Variants in CHRM3 observed in about 807,000 individuals in gnomAD.
CHRM3 encodes cholinergic receptor muscarinic 3.
In CHRM3, 11 loss-of-function variants were observed where a neutral mutation model predicts 41.8. The ratio of observed to expected loss-of-function variants is 0.26; its 90% CI spans 0.17 to 0.44. The LOEUF (loss-of-function observed/expected upper bound fraction) is 0.44, where lower values mean the gene tolerates loss of function less well. Among genes scored for constraint, CHRM3 ranks in the 20% least tolerant of loss-of-function variants. The pLI is 1.00. For missense variants in CHRM3, 571 were observed against 745.4 expected (o/e 0.77, Z 2.72); for synonymous variants, 297 against 301.4 (o/e 0.99, Z 0.15).
At chr1:239,707,998 A>G (rs1661355090) in intron 5 of CHRM3, among the ~76,000 whole-genome samples, 1 of 152,236 alleles carries the variant, frequency 6.6e-6, no homozygotes, top group Non-Finnish European at 1.5e-5. Context: ...CTACTGTGGA[A>G]TATTTCTTGA....
chr1:239,712,040 A>G (rs1294291046), intron 5 of CHRM3, among the ~76,000 whole-genome samples: 2 of 152,154 alleles, frequency 1.3e-5, no homozygotes, highest in Non-Finnish European at 2.9e-5. Flanking sequence ...AAGCCCATTC[A>G]GAAATATTTC....
chr1:239,828,772 G>A (rs1337116793), intron 6 of CHRM3, among the ~76,000 whole-genome samples: 1 of 152,144 alleles, frequency 6.6e-6, no homozygotes, highest in Admixed American at 6.5e-5. Flanking sequence ...GGATATCAGA[G>A]GGACCCTGTG....
chr1:239,420,311 A>C (rs533835927), intron 1 of CHRM3, among the ~76,000 whole-genome samples: 1 of 152,302 alleles, frequency 6.6e-6, no homozygotes, highest in Non-Finnish European at 1.5e-5. Flanking sequence ...GCCGCATGGT[A>C]GTGAGCACAG....
chr1:239,541,595 T>G (rs1387012400), intron 2 of CHRM3, among the ~76,000 whole-genome samples: 2 of 152,100 alleles, frequency 1.3e-5, no homozygotes, highest in Non-Finnish European at 2.9e-5. Flanking sequence ...CACCACAACC[T>G]CCACCTCCCA....
chr1:239,673,180 G>A (rs1674548046), intron 4 of CHRM3, among the ~76,000 whole-genome samples: 1 of 152,158 alleles, frequency 6.6e-6, no homozygotes, highest in African/African-American at 2.4e-5. Context: ...GAAGGAGTGG[G>A]AGAATTCTGC....
intron 3 of CHRM3, among the ~76,000 whole-genome samples, chr1:239,600,711 T>G (rs1665413329): frequency 6.6e-6 from 1 of 151,110 alleles, no homozygotes. Flanking sequence ...CTCCCCTTCC[T>G]TCCTCCTTCC....
intron 4 of CHRM3, among the ~76,000 whole-genome samples, chr1:239,653,921 C>T (rs1672469284): frequency 1.3e-5 from 2 of 152,260 alleles, no homozygotes; most frequent in South Asian, 4.1e-4. Context: ...GGCAGCAAAG[C>T]TTGAAGCACA....
chr1:239,902,838 A>G (rs570574088), intron 6 of CHRM3, among the ~76,000 whole-genome samples: 8 of 152,262 alleles, frequency 5.3e-5, no homozygotes, highest in Non-Finnish European at 8.8e-5. Flanking sequence ...CCTATAAGTC[A>G]TTTCCCTCTA....
chr1:239,604,834 T>G (rs943126221), intron 3 of CHRM3, among the ~76,000 whole-genome samples: 20 of 152,244 alleles, frequency 1.3e-4, no homozygotes, highest in Admixed American at 9.2e-4. Flanking sequence ...ATTTTAGAAC[T>G]TCTATACTTT....
chr1:239,395,484 C>G (rs1215610038), intron 1 of CHRM3, among the ~76,000 whole-genome samples: 1 of 152,094 alleles, frequency 6.6e-6, no homozygotes, highest in Admixed American at 6.6e-5. Flanking sequence ...TACATTTAGC[C>G]AGGTACCGAA....
chr1:239,656,321 T>TG (rs1242129677), intron 4 of CHRM3, among the ~76,000 whole-genome samples: 2 of 115,618 alleles, frequency 1.7e-5, no homozygotes, highest in African/African-American at 5.6e-5. Context: ...TTTAATAAAA[T>TG]ATTTTTTTTT....
At chr1:239,404,468 A>AAG (rs397954107) in intron 1 of CHRM3, among the ~76,000 whole-genome samples, 34 of 90,354 alleles carry the variant, frequency 3.8e-4, no homozygotes, top group East Asian at 1.3e-3. Flanking sequence ...GAAAGAAAGA[A>AAG]AAAGAAAGAA....
rs947387438 is a variant in CHRM3, at chr1:239,404,740, A to G, written c.-521+17513A>G. ...TCTAAATATATATATATATATATAT[A>G]TATATATATATATATATGGAAAATA... On this transcript the variant is annotated intron_variant, in intron 1 of 6. Transcript: ENST00000676153. Among the ~76,000 whole-genome samples the G allele has an allele frequency of 2.3e-3, 333 of 142,624 alleles. 5 individuals are homozygous for G. Among genetic ancestry groups the G allele is most frequent in the African/African-American group, 8.2e-3 (323 of 39,212 alleles). The allele number at this position is 142,624 out of a possible 152,430, so 93.6% of individuals were successfully genotyped here. A position where few individuals can be genotyped will look rare whatever the true frequency, so the allele number is the denominator to read the frequency against.
chr1:239,757,058 G>A (rs1666304149), intron 5 of CHRM3, among the ~76,000 whole-genome samples: 1 of 152,026 alleles, frequency 6.6e-6, no homozygotes, highest in Non-Finnish European at 1.5e-5. Context: ...TTTTTCACTT[G>A]ACAATAAAAT....
chr1:239,464,399 G>A (rs2147898152), intron 1 of CHRM3, among the ~76,000 whole-genome samples: 1 of 152,018 alleles, frequency 6.6e-6, no homozygotes, highest in Middle Eastern at 3.4e-3. Context: ...TTTCTGTCTG[G>A]CTTTTCTACC....
chr1:239,413,388 C>A (rs1040678425), intron 1 of CHRM3, among the ~76,000 whole-genome samples: 2 of 152,130 alleles, frequency 1.3e-5, no homozygotes, highest in Admixed American at 6.5e-5. Context: ...CTCCCGGATT[C>A]ATGAGATTCT....
chr1:239,454,570 C>T lies in CHRM3; in HGVS notation c.-520-38139C>T, dbSNP rs61834711. 6.7e-3 allele frequency among the ~76,000 whole-genome samples: 1,025 copies of T among 151,972 alleles called. 6 individuals are homozygous for T. The highest frequency in any genetic ancestry group is 0.01 in the Admixed American group (154 of 15,252). On this transcript the variant is annotated intron_variant, in intron 1 of 6. Transcript: ENST00000676153. ...CGATGTTCAGCACTTCTCGCCTTTC[C>T]AGGTTAGGAGGTGGGGCTAAAAGTT...
intron 5 of CHRM3, among the ~76,000 whole-genome samples, chr1:239,775,509 C>T (rs901542913): frequency 1.1e-4 from 17 of 152,154 alleles, no homozygotes; most frequent in African/African-American, 3.9e-4. Flanking sequence ...ACGGAAAGTA[C>T]AATTCAGCTT....
At chr1:239,518,434 G>A (rs1295094124) in intron 2 of CHRM3, among the ~76,000 whole-genome samples, 1 of 152,086 alleles carries the variant, frequency 6.6e-6, no homozygotes, top group Non-Finnish European at 1.5e-5. Context: ...TCATTTATTG[G>A]TTTCAGTGTC....
Sources: gnomAD v4.1 joint callset for allele counts (sites outside exome capture counted in the v4.1 genomes callset) on GRCh38, gnomAD v4.1.1 for gene constraint, MANE v1.5 for transcripts, NCBI Gene and HGNC (gene_info 2026-07-23, HGNC 2026-07-21) for gene names.